RPP14: variants seen among roughly 807,000 people sequenced by gnomAD.
The protein encoded by RPP14 is ribonuclease P/MRP subunit p14, also known as ribonuclease P protein subunit p14.
RPP14 carries 19 observed loss-of-function variants against 17.8 expected under a neutral mutation model. The ratio of observed to expected loss-of-function variants is 1.07; its 90% CI spans 0.74 to 1.57. RPP14 has a LOEUF of 1.57. RPP14 is among the 40% of genes most tolerant of loss of function. The pLI, the probability that RPP14 is intolerant of heterozygous loss-of-function variation, is 0.00. For missense variants in RPP14, 125 were observed against 140.8 expected, an observed-to-expected ratio of 0.89 and a Z score of 0.57; for synonymous variants, 60 against 56.4, an observed-to-expected ratio of 1.06 and a Z score of -0.29.
intron 3 of RPP14, among the ~76,000 whole-genome samples, chr3:58,312,960 C>CAAAAA (rs35853424): frequency 1.3e-5 from 1 of 79,046 alleles, no homozygotes; most frequent in Non-Finnish European, 2.4e-5. Flanking sequence ...GACTCTGTCT[C>CAAAAA]AAAAAAAAAA....
intron 5 of RPP14, among the ~76,000 whole-genome samples, 180 bp from the exon 6 acceptor site, chr3:58,317,260 T>TA (rs912757255): frequency 3.6e-4 from 55 of 152,342 alleles, no homozygotes; most frequent in African/African-American, 1.3e-3. Flanking sequence ...TTGTGTGTTA[T>TA]ATATTGGTAC....
At chr3:58,313,524 T>C (rs1488595185) in intron 3 of RPP14, among the ~76,000 whole-genome samples, 1 of 152,190 alleles carries the variant, frequency 6.6e-6, no homozygotes, top group Admixed American at 6.5e-5. Context: ...TGCAAAAGAC[T>C]CTTAAGAGGA....
At chr3:58,315,924 C>T (rs1336253739) in intron 3 of RPP14, 2 of 152,362 alleles carry the variant, frequency 1.3e-5, no homozygotes, top group Non-Finnish European at 2.9e-5. Flanking sequence ...GATCCGCCCT[C>T]CTTGGCCTCC....
At chr3:58,314,008 A>G (rs2097485193) in intron 3 of RPP14, among the ~76,000 whole-genome samples, 1 of 152,228 alleles carries the variant, frequency 6.6e-6, no homozygotes, top group Non-Finnish European at 1.5e-5. Flanking sequence ...GTAAACTATG[A>G]TTGCACTACT....
intron 2 of RPP14, 40 bp from the exon 3 acceptor site, chr3:58,310,466 AT>A: frequency 6.3e-7 from 1 of 1,595,936 alleles, no homozygotes; most frequent in Non-Finnish European, 8.5e-7. Flanking sequence ...TCTGAATAGA[AT>A]GAAATTTAAT....
At chr3:58,314,605 A>C (rs566717071) in intron 3 of RPP14, among the ~76,000 whole-genome samples, 1 of 152,128 alleles carries the variant, frequency 6.6e-6, no homozygotes, top group East Asian at 1.9e-4. Flanking sequence ...AATGCAAAGA[A>C]ACTAGATCAC....
At position 58,317,989 on chromosome 3, in the gene RPP14, G is replaced by T. The variant is rs1000969611; in HGVS notation, c.*493G>T. 3 of 702,806 alleles carry T rather than the reference G, an allele frequency of 4.3e-6. No homozygotes were observed. The highest frequency in any genetic ancestry group is 3.5e-5 in the African/African-American group (2 of 57,238). 43.5% of individuals were successfully genotyped at this position (702,806 alleles called of 1,614,324 possible). The stretch of plus-strand genomic sequence containing the variant: ...TTTATATATTGGAGAAGTTGTTTTA[G>T]CTTCTGCAGAAGTGAAAAAGCTGAA... On this transcript the variant is annotated 3_prime_UTR_variant, in exon 6 of 6. Coordinates refer to ENST00000295959, the MANE Select transcript of RPP14 (RefSeq NM_007042.6).
At position 58,317,832 on chromosome 3, in the gene RPP14, A is replaced by G. The variant is rs1424031076; in HGVS notation, c.*336A>G. The G allele has an allele frequency of 2.8e-6, 2 of 703,092 alleles. No individual in the cohort carries two copies. The highest frequency in any genetic ancestry group is 4.0e-5 in the Admixed American group (2 of 50,018). The allele number at this position is 703,092 out of a possible 1,614,324, so 43.6% of individuals were successfully genotyped here. A position where few individuals can be genotyped will look rare whatever the true frequency, so the allele number is the denominator to read the frequency against. ...CTTTGCATTTGAATGAAGACTTTGC[A>G]AAACACACCAAGTTTGGAAATACAA... On this transcript the variant is annotated 3_prime_UTR_variant, in exon 6 of 6. Transcript: ENST00000295959.
chr3:58,310,934 A>C (rs1175810059), intron 3 of RPP14, among the ~76,000 whole-genome samples: 1 of 150,298 alleles, frequency 6.7e-6, no homozygotes, highest in African/African-American at 2.5e-5. Context: ...GTCACAAAAA[A>C]AAAAATCGAG....
Position 58,310,545 on chromosome 3 carries a change from AGTTCAAACAGCTGCT to A in RPP14, c.117_131del (p.Gln39_Leu44delinsHis), listed in dbSNP as rs1232195189. On this transcript the variant is annotated inframe_deletion, in exon 3 of 6. Transcript: ENST00000295959. ...TGTGGAGTTGGACTGAATGCTGCAC[AGTTCAAACAGCTGCT>A]TATTTCGGCTGTGAAGGACCTGTTT... The A allele has an allele frequency of 1.1e-5, 18 of 1,613,042 alleles. No individual in the cohort carries two copies. The highest frequency in any genetic ancestry group is 1.5e-5 in the Non-Finnish European group (18 of 1,179,720).
intron 1 of RPP14, among the ~76,000 whole-genome samples, chr3:58,307,069 G>A (rs2097476044): frequency 6.6e-6 from 1 of 152,202 alleles, no homozygotes; most frequent in African/African-American, 2.4e-5. Context: ...TTCCCAGCAT[G>A]GGGAAAAGCT....
At chr3:58,316,812 G>A (rs554292394) in intron 4 of RPP14, 103 bp from the exon 5 acceptor site, 326 of 1,074,166 alleles carry the variant, frequency 3.0e-4, no homozygotes, top group Non-Finnish European at 4.3e-4. Flanking sequence ...CCCATTGATG[G>A]TTATAGTTGC....
At position 58,319,314 on chromosome 3, in the gene RPP14, A is replaced by C. The variant is rs1045557671; in HGVS notation, c.*1818A>C. ...TGTGCATCCTCGGTCTCAGTTATGTAAACGGTCTGATCTGTAAAATAGTGG... is the reference window on the plus strand; with the variant it reads ...TGTGCATCCTCGGTCTCAGTTATGTCAACGGTCTGATCTGTAAAATAGTGG... On this transcript the variant is annotated 3_prime_UTR_variant, in exon 6 of 6. Transcript: ENST00000295959. 6.6e-6 allele frequency: 1 copy of C among 152,220 alleles called. No individual in the cohort carries two copies. The highest frequency in any genetic ancestry group is 1.5e-5 in the Non-Finnish European group (1 of 68,044). 9.4% of individuals were successfully genotyped at this position (152,220 alleles called of 1,614,324 possible).
At position 58,319,660 on chromosome 3, in the gene RPP14, T is replaced by C. The variant is rs1302923151; in HGVS notation, c.*2164T>C. On this transcript the variant is annotated 3_prime_UTR_variant, in exon 6 of 6. Transcript: ENST00000295959. The stretch of plus-strand genomic sequence containing the variant: ...AAAAAAAAAAATTGTAAGAAATAAA[T>C]ATTAAGAAGATTATGGAGGCCAAAT... 3 of 151,612 alleles carry C rather than the reference T, an allele frequency of 2.0e-5. No individual in the cohort carries two copies. Among genetic ancestry groups the C allele is most frequent in the African/African-American group, 7.3e-5 (3 of 41,228 alleles). The allele number at this position is 151,612 out of a possible 1,614,324, so 9.4% of individuals were successfully genotyped here. A position where few individuals can be genotyped will look rare whatever the true frequency, so the allele number is the denominator to read the frequency against.
chr3:58,319,055 CAA>C lies in RPP14; in HGVS notation c.*1561_*1562del. The C allele has an allele frequency of 6.6e-6, 1 of 151,814 alleles. No homozygotes were observed. The highest frequency in any genetic ancestry group is 1.9e-4 in the East Asian group (1 of 5,162). 9.4% of individuals were successfully genotyped at this position (151,814 alleles called of 1,614,324 possible). The stretch of plus-strand genomic sequence containing the variant: ...CCTAGATAGATTTGCATTTGGATAA[CAA>C]ATCCCTACCTATAGCCATGTGGAAG... On this transcript the variant is annotated 3_prime_UTR_variant, in exon 6 of 6. Transcript: ENST00000295959.
At chr3:58,311,673 A>T (rs1234221605) in intron 3 of RPP14, among the ~76,000 whole-genome samples, 1 of 124,374 alleles carries the variant, frequency 8.0e-6, no homozygotes, top group African/African-American at 2.9e-5. Context: ...CATTTTGCCT[A>T]TTGGGAATAC....
chr3:58,312,463 T>C (rs1049151708), intron 3 of RPP14, among the ~76,000 whole-genome samples: 7 of 151,854 alleles, frequency 4.6e-5, no homozygotes, highest in Non-Finnish European at 1.0e-4. Context: ...TAAAACTGTG[T>C]TTGAAATTGC....
chr3:58,318,027 T>C lies in RPP14; in HGVS notation c.*531T>C, dbSNP rs1575549249. The stretch of plus-strand genomic sequence containing the variant: ...TGAAAAAGCTGAAGCGGTTCATTGC[T>C]ATTATTGCAGTGTCATGTTCTGTAA... On this transcript the variant is annotated 3_prime_UTR_variant, in exon 6 of 6. Transcript: ENST00000295959. 2.8e-6 allele frequency: 2 copies of C among 702,778 alleles called. No homozygotes were observed. The highest frequency in any genetic ancestry group is 2.6e-6 in the Non-Finnish European group (1 of 384,944). The allele number at this position is 702,778 out of a possible 1,614,324, so 43.5% of individuals were successfully genotyped here.
At chr3:58,307,749 A>G (rs541910487) in intron 1 of RPP14, 8 of 152,320 alleles carry the variant, frequency 5.3e-5, no homozygotes, top group African/African-American at 1.9e-4. Flanking sequence ...GTGAGCCCAC[A>G]TCTGTGGAGA....
Sources: allele counts gnomAD v4.1 joint callset (sites outside exome capture counted in the v4.1 genomes callset), GRCh38; gene constraint gnomAD v4.1.1; transcripts MANE v1.5; gene names NCBI Gene and HGNC (gene_info 2026-07-23, HGNC 2026-07-21).